The following ZNF541 variants were observed in gnomAD, a reference collection of about 807,000 sequenced individuals.
ZNF541 encodes the protein zinc finger protein 541.
A neutral mutation model predicts 123.5 loss-of-function variants in ZNF541; 23 were observed. The observed-to-expected ratio is 0.19, with a 90% CI of 0.13 to 0.26. ZNF541 has a LOEUF of 0.26. Among genes scored for constraint, ZNF541 ranks in the 10% least tolerant of loss-of-function variants. ZNF541 has a pLI of 1.00. For missense variants in ZNF541, 1,612 were observed against 1,789.9 expected, an observed-to-expected ratio of 0.90 and a Z score of 1.79; for synonymous variants, 751 against 754.5, an observed-to-expected ratio of 1.00 and a Z score of 0.08.
At chr19:47,531,458 C>T (rs1314932185) in intron 12 of ZNF541, among the ~76,000 whole-genome samples, 184 bp downstream of exon 12, 2 of 151,980 alleles carry the variant, frequency 1.3e-5, no homozygotes, top group South Asian at 2.1e-4. Flanking sequence ...ATTGGGCCCA[C>T]GTCTTAGCAT....
rs1343932002 is a variant in ZNF541, at chr19:47,540,230, G to A, written c.2568C>T (p.His856=). ...GCCACTGGTCGCTGTGAAAACACAT[G>A]TGGCTGCTCAGCCCTTTCTCCGTAT... ...MFYTEKGLSS[H]MCFHSDQWPS... The change falls in exon 7 of 17, where the codon CAC becomes CAT. Residue 856 remains histidine (H), a synonymous_variant. Coordinates refer to ENST00000391901, the MANE Select transcript of ZNF541 (RefSeq NM_001277075.3). 3 of 1,551,582 alleles carry A rather than the reference G, an allele frequency of 1.9e-6. No homozygotes were observed. Among genetic ancestry groups the A allele is most frequent in the Non-Finnish European group, 2.6e-6 (3 of 1,147,024 alleles).
At chr19:47,563,440 G>T (rs1971143477) in intron 2 of ZNF541, among the ~76,000 whole-genome samples, 1 of 151,976 alleles carries the variant, frequency 6.6e-6, no homozygotes. Flanking sequence ...GAGCTTTTTG[G>T]GTTTCCAAAA....
chr19:47,531,242 G>GTA lies in ZNF541; in HGVS notation c.3405+399_3405+400insTA, dbSNP rs1568486372. Among the ~76,000 whole-genome samples, 839 of 147,080 alleles carry GTA rather than the reference G, an allele frequency of 5.7e-3. 26 individuals carry two copies. Among genetic ancestry groups the GTA allele is most frequent in the African/African-American group, 0.02 (776 of 38,246 alleles). On this transcript the variant is annotated intron_variant, in intron 12 of 16. Transcript: ENST00000391901. ...ACCCAGAATTGTGAGCGGGGGGGGG[G>GTA]GGGGGGGTCCTTGGAGTAGGTAGAG...
chr19:47,570,340 G>A (rs1971430614), intron 2 of ZNF541, among the ~76,000 whole-genome samples: 1 of 151,616 alleles, frequency 6.6e-6, no homozygotes, highest in Non-Finnish European at 1.5e-5. Context: ...CACTTTGGGA[G>A]GCTGACGCAG....
chr19:47,529,759 G>T, intron 12 of ZNF541, 107 bp from the exon 13 acceptor site: 1 of 1,063,430 alleles, frequency 9.4e-7, no homozygotes, highest in African/African-American at 1.6e-5. Context: ...TGAAGACACT[G>T]CCTGTCCCAG....
At position 47,539,802 on chromosome 19, in the gene ZNF541, G is replaced by A. The variant is rs1363793895; in HGVS notation, c.2699C>T (p.Thr900Ile). The A allele has an allele frequency of 6.7e-7, 1 of 1,488,370 alleles. No homozygotes were observed. The highest frequency in any genetic ancestry group is 1.4e-5 in the South Asian group (1 of 73,526). The allele number at this position is 1,488,370 out of a possible 1,614,324, so 92.2% of individuals were successfully genotyped here. A position where few individuals can be genotyped will look rare whatever the true frequency, so the allele number is the denominator to read the frequency against. Residue 900 changes from threonine (T) to isoleucine (I), a missense_variant, in exon 8 of 17, where the codon ACC (threonine) becomes ATC (isoleucine). By Grantham distance (89) the Thr-to-Ile change is moderately conservative. Around this residue, in one of 5 missense-constraint regions of ZNF541, gnomAD observed 1,080 missense variants for 1,013.8 expected, o/e 1.07. Coordinates refer to ENST00000391901, the MANE Select transcript of ZNF541 (RefSeq NM_001277075.3). ...AGCTGTGGGGTCCAAGGGCTTCTTG[G>A]TTCCTGGGGGACTATGCCTGTCCCC... Reference protein sequence around the residue: ...PEGDRHSPPGTKKPLDPTAAA... With the variant: ...PEGDRHSPPGIKKPLDPTAAA...
intron 14 of ZNF541, among the ~76,000 whole-genome samples, chr19:47,527,753 G>A (rs1969363927): frequency 6.6e-6 from 1 of 151,692 alleles, no homozygotes; most frequent in Non-Finnish European, 1.5e-5. Context: ...AGGCTGGAGT[G>A]CAGTGGCGAG....
intron 6 of ZNF541, 89 bp downstream of exon 6, chr19:47,540,804 T>A: frequency 7.7e-7 from 1 of 1,300,446 alleles, no homozygotes; most frequent in South Asian, 1.4e-5. Flanking sequence ...ACTGAAAGCA[T>A]CCTCCCCACT....
chr19:47,545,453 T>C lies in ZNF541; in HGVS notation c.1076A>G (p.Glu359Gly), dbSNP rs1339419195. ...VFTAPNSRAA[E>G]NGAPDPPEPE... The stretch of plus-strand genomic sequence containing the variant: ...CTCTGGCGGGTCGGGGGCGCCGTTC[T>C]CGGCGGCCCTGGAATTAGGGGCTGT... Residue 359 changes from glutamate to glycine, a missense_variant, in exon 5 of 17, where the codon GAG becomes GGG. This residue lies in a region of ZNF541 where 1,080 missense variants were observed against 1,013.8 expected (regional missense o/e 1.07). Coordinates refer to ENST00000391901, the MANE Select transcript of ZNF541 (RefSeq NM_001277075.3). This position sits in a 1 kb window ranked among gnomAD's most constrained non-coding sequence, Gnocchi z 7.5. 8 of 1,474,990 alleles carry C rather than the reference T, an allele frequency of 5.4e-6. No homozygotes were observed. Among genetic ancestry groups the C allele is most frequent in the Non-Finnish European group, 7.2e-6 (8 of 1,110,760 alleles). The allele number at this position is 1,474,990 out of a possible 1,614,324, so 91.4% of individuals were successfully genotyped here.
chr19:47,529,018 T>C lies in ZNF541; in HGVS notation c.3502A>G (p.Ile1168Val), dbSNP rs1157177558. 3 of 1,551,596 alleles carry C rather than the reference T, an allele frequency of 1.9e-6. No homozygotes were observed. The highest frequency in any genetic ancestry group is 1.4e-5 in the African/African-American group (1 of 73,154). The change falls in exon 14 of 17, where the codon ATA (isoleucine) becomes GTA (valine). Residue 1168 changes from isoleucine to valine, a missense_variant. Transcript: ENST00000391901. ...GCCTTCTTAAAAAGCCTCTTCTCTATAGGGGTCCAGACGTCTGAACCTATC... is the reference window on the plus strand; with the variant it reads ...GCCTTCTTAAAAAGCCTCTTCTCTACAGGGGTCCAGACGTCTGAACCTATC... ...RYTGSDVWTP[I>V]EKRLFKKAFY...
rs1055706087 is a variant in ZNF541 at position 47,558,619 on chromosome 19, A to G, written c.-98-2665T>C. ...AATTTCTTTTTTTTTTTTGAGATGG[A>G]GTTTCGCTCTGTCGCCCAGGCTGGA... On this transcript the variant is annotated intron_variant, in intron 2 of 16. Coordinates refer to ENST00000391901, the MANE Select transcript of ZNF541 (RefSeq NM_001277075.3). Among the ~76,000 whole-genome samples the G allele has an allele frequency of 3.4e-4, 51 of 149,990 alleles. 1 individual carries two copies. The highest frequency in any genetic ancestry group is 1.2e-3 in the African/African-American group (49 of 40,948).
Position 47,529,585 on chromosome 19 carries a change from C to A in ZNF541, c.3473G>T (p.Arg1158Leu). Residue 1158 changes from arginine to leucine, a missense_variant, in exon 13 of 17, where the codon CGC becomes CTC. Physicochemically the swap from Arg to Leu is moderately radical, Grantham distance 102 (BLOSUM62 -2). Around this residue, in one of 5 missense-constraint regions of ZNF541, gnomAD observed 285 missense variants for 407.3 expected, o/e 0.70. Coordinates refer to ENST00000391901, the MANE Select transcript of ZNF541 (RefSeq NM_001277075.3). ...KPRTHLLADY[R>L]YTGSDVWTPI... ...CAGCCTTTCCCCGTCACCTGTGTAGCGATAGTCAGCGAGCAGGTGTGTCCG... is the reference window on the plus strand; with the variant it reads ...CAGCCTTTCCCCGTCACCTGTGTAGAGATAGTCAGCGAGCAGGTGTGTCCG... 1 of 1,551,660 alleles carries A rather than the reference C, an allele frequency of 6.4e-7. No homozygotes were observed. Among genetic ancestry groups the A allele is most frequent in the Non-Finnish European group, 8.7e-7 (1 of 1,146,970 alleles).
chr19:47,543,433 C>T lies in ZNF541; in HGVS notation c.2403+693G>A, dbSNP rs149996093. On this transcript the variant is annotated intron_variant, in intron 5 of 16. Transcript: ENST00000391901. ...TAAGTGTGGGGCACGATGCAGGTGCCCACTTGTGCTTGTGGAAACCAAGAC... is the reference window on the plus strand; with the variant it reads ...TAAGTGTGGGGCACGATGCAGGTGCTCACTTGTGCTTGTGGAAACCAAGAC... Among the ~76,000 whole-genome samples the T allele has an allele frequency of 7.2e-5, 11 of 152,088 alleles. No individual in the cohort carries two copies. The East Asian group carries it at 1.7e-3, about 24-fold the overall frequency.
intron 2 of ZNF541, among the ~76,000 whole-genome samples, chr19:47,562,784 C>T (rs566494161): frequency 1.3e-5 from 2 of 152,134 alleles, no homozygotes; most frequent in African/African-American, 4.8e-5. Flanking sequence ...TCAAGGTTCA[C>T]CCCCATTGCA....
chr19:47,536,598 C>G (rs1468884747), intron 9 of ZNF541, among the ~76,000 whole-genome samples: 1 of 152,046 alleles, frequency 6.6e-6, no homozygotes, highest in Non-Finnish European at 1.5e-5. Context: ...TACATAAAAA[C>G]AATTACAAAA....
Position 47,544,873 on chromosome 19 carries a change from G to A in ZNF541, c.1656C>T (p.His552=), listed in dbSNP as rs948911031. ...TCATCTGGAACACCTGCATCTGCTC[G>A]TGGCTCACAAGAGGTTCCTGCGACT... The part of the protein sequence containing the change: ...FLKSQEPLVS[H]EQMQVFQMIT... Residue 552 remains histidine, a synonymous_variant, in exon 5 of 17, where the codon CAC becomes CAT. Coordinates refer to ENST00000391901, the MANE Select transcript of ZNF541 (RefSeq NM_001277075.3). 3 of 1,536,204 alleles carry A rather than the reference G, an allele frequency of 2.0e-6. No homozygotes were observed. The highest frequency in any genetic ancestry group is 2.6e-6 in the Non-Finnish European group (3 of 1,146,802).
At chr19:47,536,062 T>A (rs1488623456) in intron 9 of ZNF541, among the ~76,000 whole-genome samples, 3 of 152,250 alleles carry the variant, frequency 2.0e-5, no homozygotes, top group Non-Finnish European at 4.4e-5. Flanking sequence ...TATAGGGATA[T>A]GTCTGGCTAG....
rs1263194164 is a variant in ZNF541, at chr19:47,521,344, A to G, written c.3921T>C (p.His1307=). 1.9e-6 allele frequency: 3 copies of G among 1,551,594 alleles called. No individual in the cohort carries two copies. Among genetic ancestry groups the G allele is most frequent in the Admixed American group, 3.9e-5 (2 of 50,980 alleles). The part of the protein sequence containing the change: ...VFDKIKSRNA[H]MKRHRLQDHV... ...GGTCCTGAAGGCGGTGCCGCTTCAT[A>G]TGGGCATTTCGACTCTTGATCTTGT... The change falls in exon 17 of 17, where the codon CAT becomes CAC. Residue 1307 remains histidine, a synonymous_variant. Transcript: ENST00000391901. The surrounding 1 kb of genome is among the most constrained non-coding windows in gnomAD (Gnocchi z 4.2).
intron 9 of ZNF541, among the ~76,000 whole-genome samples, chr19:47,535,840 T>C (rs1969793241): frequency 1.3e-5 from 2 of 151,458 alleles, no homozygotes; most frequent in Admixed American, 1.3e-4. Flanking sequence ...GGGGAGACCC[T>C]AACCCAGCGG....
Sources: gnomAD v4.1 joint callset for allele counts (sites outside exome capture counted in the v4.1 genomes callset) on GRCh38, gnomAD v4.1.1 for gene constraint, gnomAD v4.1.1 regional missense constraint, Gnocchi (gnomAD v3.1) non-coding constraint, MANE v1.5 for transcripts, NCBI Gene and HGNC (gene_info 2026-07-23, HGNC 2026-07-21) for gene names.